Variants in ACSM3 observed in about 807,000 individuals in gnomAD.
ACSM3 encodes acyl-CoA synthetase medium chain family member 3.
ACSM3 carries 61 observed loss-of-function variants against 74.1 expected under a neutral mutation model. The ratio of observed to expected loss-of-function variants is 0.82; its 90% CI spans 0.67 to 1.02. ACSM3 has a LOEUF of 1.02. ACSM3 is among the 50% of genes least tolerant of loss of function. The pLI, the probability that ACSM3 is intolerant of heterozygous loss-of-function variation, is 0.00. For missense variants in ACSM3, 660 were observed against 697.0 expected, an observed-to-expected ratio of 0.95 and a Z score of 0.60; for synonymous variants, 213 against 241.5, an observed-to-expected ratio of 0.88 and a Z score of 1.09.
intron 1 of ACSM3, chr16:20,685,073 C>T: frequency 1.9e-6 from 2 of 1,031,372 alleles, no homozygotes; most frequent in East Asian, 2.5e-5. Context: ...AGCACAGAAA[C>T]TGGGGCGAAG....
At chr16:20,758,716 G>T (rs1357031193) in intron 3 of ACSM3, among the ~76,000 whole-genome samples, 5 of 151,078 alleles carry the variant, frequency 3.3e-5, no homozygotes, top group Non-Finnish European at 5.9e-5. Flanking sequence ...TTTTAATTGT[G>T]ATGTTAGGGT....
chr16:20,716,211 G>A (rs546499613), intron 1 of ACSM3, among the ~76,000 whole-genome samples: 2 of 152,288 alleles, frequency 1.3e-5, no homozygotes, highest in South Asian at 4.1e-4. Flanking sequence ...TACAGGGGTG[G>A]TTTGTTACTC....
intron 1 of ACSM3, among the ~76,000 whole-genome samples, chr16:20,698,069 C>CTGT (rs2079699662): frequency 6.6e-6 from 1 of 151,694 alleles, no homozygotes; most frequent in Non-Finnish European, 1.5e-5. Context: ...TGGTGGGCGC[C>CTGT]TGTAGTCCCA....
chr16:20,779,857 C>A, intron 4 of ACSM3: 1 of 203,528 alleles, frequency 4.9e-6, no homozygotes, highest in African/African-American at 2.4e-5. Context: ...CTGCAACCTC[C>A]ACCTCCCTGG....
intron 1 of ACSM3, among the ~76,000 whole-genome samples, chr16:20,768,505 C>G (rs937201962): frequency 3.3e-5 from 5 of 152,194 alleles, no homozygotes; most frequent in Non-Finnish European, 7.3e-5. Context: ...TCACAAATCA[C>G]AGCCTCTAAA....
intron 1 of ACSM3, among the ~76,000 whole-genome samples, chr16:20,683,813 C>A (rs1302818362): frequency 6.6e-6 from 1 of 151,828 alleles, no homozygotes; most frequent in East Asian, 1.9e-4. Context: ...CATGATCCAC[C>A]CACCTCAGCC....
chr16:20,675,438 G>A (rs910355875), intron 1 of ACSM3, among the ~76,000 whole-genome samples: 4 of 152,126 alleles, frequency 2.6e-5, no homozygotes, highest in Admixed American at 2.0e-4. Context: ...TCTGTGGCAG[G>A]GAAAGGCACG....
At chr16:20,731,703 G>T in intron 1 of ACSM3, 1 of 404,842 alleles carries the variant, frequency 2.5e-6, no homozygotes, top group South Asian at 4.6e-5. Context: ...AGGATCATGT[G>T]AAAAAAATCA....
At chr16:20,678,515 T>C (rs1395747102) in intron 1 of ACSM3, among the ~76,000 whole-genome samples, 1 of 152,210 alleles carries the variant, frequency 6.6e-6, no homozygotes, top group Non-Finnish European at 1.5e-5. Context: ...TGATGGGGGC[T>C]ATCAGTACAT....
At chr16:20,763,649 C>T (rs1192062905), upstream of ACSM3, 1 of 152,168 alleles carries the variant, frequency 6.6e-6, no homozygotes, top group East Asian at 1.9e-4. Context: ...GACAGATAAA[C>T]GCACCAATGG....
chr16:20,722,655 T>A (rs2079789928), intron 1 of ACSM3, among the ~76,000 whole-genome samples: 1 of 152,182 alleles, frequency 6.6e-6, no homozygotes, highest in African/African-American at 2.4e-5. Context: ...CCATAATCAA[T>A]ACTATACATG....
chr16:20,727,326 C>A, intron 1 of ACSM3: 1 of 583,054 alleles, frequency 1.7e-6, no homozygotes, highest in Non-Finnish European at 3.3e-6. Flanking sequence ...AGGCCCCATG[C>A]AACTCTGTCT....
intron 3 of ACSM3, among the ~76,000 whole-genome samples, chr16:20,758,407 C>G (rs1306486307): frequency 2.6e-5 from 4 of 152,126 alleles, no homozygotes; most frequent in Admixed American, 6.5e-5. Flanking sequence ...TCTAGATTTT[C>G]TAGTTTATTT....
intron 1 of ACSM3, among the ~76,000 whole-genome samples, chr16:20,767,923 C>T (rs1439607239): frequency 1.3e-5 from 2 of 152,274 alleles, no homozygotes; most frequent in Middle Eastern, 3.4e-3. Context: ...AAATGAAATT[C>T]TAGTGTCAGT....
chr16:20,728,214 G>T, intron 1 of ACSM3: 1 of 348,842 alleles, frequency 2.9e-6, no homozygotes, highest in Non-Finnish European at 5.6e-6. Flanking sequence ...AGGCTCAATG[G>T]GGAAAGAATG....
intron 2 of ACSM3, chr16:20,755,541 A>G (rs984838392): frequency 6.6e-6 from 1 of 151,990 alleles, no homozygotes; most frequent in Non-Finnish European, 1.5e-5. Flanking sequence ...ATGGTATGAT[A>G]CTATAAAATA....
At chr16:20,741,478 C>CCGGGGGGGGG in intron 1 of ACSM3, 2 of 1,336,926 alleles carry the variant, frequency 1.5e-6, no homozygotes, top group Non-Finnish European at 1.9e-6. Context: ...GGCCTGGCAG[C>CCGGGGGGGGG]CGGCCCGCCC....
rs1309608880 is a variant in ACSM3, at chr16:20,777,440, A to G, written c.498A>G (p.Ser166=). 6 of 1,614,120 alleles carry G rather than the reference A, an allele frequency of 3.7e-6. No individual in the cohort carries two copies. In the South Asian group the frequency reaches 6.6e-5, roughly 18 times the overall value. Residue 166 remains serine (S), a synonymous_variant, in exon 4 of 14, where the codon TCA becomes TCG. Coordinates refer to ENST00000289416, the MANE Select transcript of ACSM3 (RefSeq NM_005622.4). ...ACATTCTCTACAGACTACAATCTTC[A>G]AAAGCAAACTGCATTATCACCAATG... The part of the protein sequence containing the change: ...QKDILYRLQS[S]KANCIITNDV...
intron 1 of ACSM3, chr16:20,685,095 G>A (rs28682534): frequency 1.5e-6 from 2 of 1,304,276 alleles, no homozygotes; most frequent in Admixed American, 3.6e-5. Context: ...CTTCAAAGCT[G>A]TGTCAGTGCC....
Sources: gnomAD v4.1 joint callset for allele counts (sites outside exome capture counted in the v4.1 genomes callset) on GRCh38, gnomAD v4.1.1 for gene constraint, MANE v1.5 for transcripts, NCBI Gene and HGNC (gene_info 2026-07-23, HGNC 2026-07-21) for gene names.